The following KIAA1614 variants were observed in gnomAD, a reference collection of about 807,000 sequenced individuals.
The protein encoded by KIAA1614 is KIAA1614, also known as uncharacterized protein KIAA1614.
KIAA1614 carries 76 observed loss-of-function variants against 88.7 expected under a neutral mutation model. The observed-to-expected ratio is 0.86, with a 90% confidence interval of 0.71 to 1.04. KIAA1614 has a LOEUF of 1.04. KIAA1614 is among the 50% of genes least tolerant of loss of function. The probability of loss-of-function intolerance (pLI) is 0.00; values close to 1 mark genes in which losing one functional copy is unlikely to be tolerated. For missense variants in KIAA1614, 1,553 were observed against 1,582.5 expected, an observed-to-expected ratio of 0.98 and a Z score of 0.32; for synonymous variants, 714 against 675.5, an observed-to-expected ratio of 1.06 and a Z score of -0.88.
In KIAA1614 at chr1:180,913,287, GC is replaced by G. The variant is rs1171515398; in HGVS notation, c.49del (p.Gln17LysfsTer48). Reference sequence around the variant, plus strand: ...GCGGCGGCCAAACCCGCGGGCGGCAGCCCCCAGTGAGTATAGAGGAGGCAGC... The same window carrying G: ...GCGGCGGCCAAACCCGCGGGCGGCAGCCCCAGTGAGTATAGAGGAGGCAGC... ...EAAAAKPAGG[S>X]PQGPKTGSGT... is the part of the protein sequence containing the mutation. On this transcript the variant is annotated frameshift_variant, in exon 1 of 9. Transcript: ENST00000367588. LOFTEE classifies it high-confidence loss of function. The G allele has an allele frequency of 3.2e-6, 4 of 1,258,622 alleles. No individual in the cohort carries two copies. Among genetic ancestry groups the G allele is most frequent in the South Asian group, 7.0e-5 (2 of 28,720 alleles). 78.0% of individuals were successfully genotyped at this position (1,258,622 alleles called of 1,614,324 possible).
chr1:180,930,216 A>G (rs1275722436), intron 4 of KIAA1614, among the ~76,000 whole-genome samples: 3 of 152,092 alleles, frequency 2.0e-5, no homozygotes, highest in Non-Finnish European at 2.9e-5. Flanking sequence ...TCAGGAGATC[A>G]AGACCATCCT....
chr1:180,916,617 C>A lies in KIAA1614; in HGVS notation c.514C>A (p.Pro172Thr). The change falls in exon 2 of 9, where the codon CCG (proline) becomes ACG (threonine). Residue 172 changes from proline (P) to threonine (T), a missense_variant. Coordinates refer to ENST00000367588, the MANE Select transcript of KIAA1614 (RefSeq NM_020950.2). ...GGATGGAGGCCCCAGGCTTCCCAGG[C>A]CGCCTGCCCCTGGACGTGAGTACTG... ...ARDGGPRLPRPPAPGREYCNR... is the reference protein window; with the variant it reads ...ARDGGPRLPRTPAPGREYCNR... 1 of 1,601,738 alleles carries A rather than the reference C, an allele frequency of 6.2e-7. No individual in the cohort carries two copies. The highest frequency in any genetic ancestry group is 1.1e-5 in the South Asian group (1 of 89,538).
chr1:180,936,774 T>C, intron 5 of KIAA1614, 104 bp downstream of exon 5: 1 of 720,132 alleles, frequency 1.4e-6, no homozygotes, highest in Non-Finnish European at 2.1e-6. Flanking sequence ...GTCATTCCCT[T>C]TTATCTCAAT....
rs1200380041 is a variant in KIAA1614, at chr1:180,949,914, C to T, written c.*4326C>T. On this transcript the variant is annotated 3_prime_UTR_variant, in exon 9 of 9. Coordinates refer to ENST00000367588, the MANE Select transcript of KIAA1614 (RefSeq NM_020950.2). ...GCTGGGCCTGGGTGACCTGAGGCAG[C>T]AACTGGATCATAGTGCCAGGCACTG... 6.6e-6 allele frequency: 1 copy of T among 152,250 alleles called. No individual in the cohort carries two copies. Among genetic ancestry groups the T allele is most frequent in the Non-Finnish European group, 1.5e-5 (1 of 68,068 alleles). 9.4% of individuals were successfully genotyped at this position (152,250 alleles called of 1,614,324 possible).
rs75922164 is a variant in KIAA1614, at chr1:180,926,042, G to C, written c.1062-2388G>C. 2.4e-4 allele frequency among the ~76,000 whole-genome samples: 37 copies of C among 152,298 alleles called. No homozygotes were observed. The East Asian group carries it at 6.0e-3, about 25-fold the overall frequency. On this transcript the variant is annotated intron_variant, in intron 3 of 8. Transcript: ENST00000367588. ...AAGCACTCAGCCACTTTATTCCTATGCTCCACCCTCTGAGCTAATGAGCTC... is the reference window on the plus strand; with the variant it reads ...AAGCACTCAGCCACTTTATTCCTATCCTCCACCCTCTGAGCTAATGAGCTC...
intron 6 of KIAA1614, 76 bp downstream of exon 6, chr1:180,938,787 G>T: frequency 6.9e-7 from 1 of 1,453,000 alleles, no homozygotes; most frequent in South Asian, 1.3e-5. Context: ...GAGACCCCCT[G>T]GAGTGGTGGC....
intron 4 of KIAA1614, among the ~76,000 whole-genome samples, chr1:180,931,625 C>G (rs1654198619): frequency 6.6e-6 from 1 of 152,210 alleles, no homozygotes; most frequent in African/African-American, 2.4e-5. Flanking sequence ...GGGCTGAAAG[C>G]ACCTTATGTG....
At position 180,940,740 on chromosome 1, in the gene KIAA1614, G is replaced by A. The variant is rs7527331; in HGVS notation, c.2919-305G>A. Among the ~76,000 whole-genome samples, 1,293 of 138,316 alleles carry A rather than the reference G, an allele frequency of 9.3e-3. 15 individuals are homozygous for A. The highest frequency in any genetic ancestry group is 0.028 in the African/African-American group (1,018 of 36,758). The allele number at this position is 138,316 out of a possible 152,430, so 90.7% of individuals were successfully genotyped here. ...TTTTTCTTTCTTTTCTTTTTTTTGG[G>A]TCTCACTATGTCGCCCAGGTTGAGT... On this transcript the variant is annotated intron_variant, in intron 6 of 8. Transcript: ENST00000367588.
At position 180,935,863 on chromosome 1, in the gene KIAA1614, T is replaced by G. The variant is rs764273570; in HGVS notation, c.1954T>G (p.Ser652Ala). ...CAGCCCGCGACTGCGACTGCGGGGC[T>G]CCAGGCCTCGAGGCCACAGGTGGTC... ...GSSPRLRLRG[S>A]RPRGHRWSKK... Residue 652 changes from serine to alanine, a missense_variant, in exon 5 of 9, where the codon TCC (serine) becomes GCC (alanine). By Grantham distance (99) the Ser-to-Ala change is moderately conservative. Coordinates refer to ENST00000367588, the MANE Select transcript of KIAA1614 (RefSeq NM_020950.2). The surrounding 1 kb of genome is among the most constrained non-coding windows in gnomAD (Gnocchi z 6.1). 4 of 1,613,706 alleles carry G rather than the reference T, an allele frequency of 2.5e-6. No individual in the cohort carries two copies. The South Asian group carries it at 4.4e-5, about 18-fold the overall frequency.
rs772409335 is a variant in KIAA1614 at position 180,916,633 on chromosome 1, G to C, written c.530G>C (p.Arg177Pro). Residue 177 changes from arginine to proline, a missense_variant, in exon 2 of 9, where the codon CGT becomes CCT. Transcript: ENST00000367588. ...PRLPRPPAPG[R>P]EYCNRGSPWP... Reference sequence around the variant, plus strand: ...CTTCCCAGGCCGCCTGCCCCTGGACGTGAGTACTGCAACAGGGGGAGCCCG... The same window carrying C: ...CTTCCCAGGCCGCCTGCCCCTGGACCTGAGTACTGCAACAGGGGGAGCCCG... 3.1e-6 allele frequency: 5 copies of C among 1,602,232 alleles called. No individual in the cohort carries two copies. In the African/African-American group the frequency reaches 6.7e-5, roughly 21 times the overall value.
chr1:180,936,225 C>T lies in KIAA1614; in HGVS notation c.2316C>T (p.Ser772=). The change falls in exon 5 of 9, where the codon TCC becomes TCT. Residue 772 remains serine, a synonymous_variant. Coordinates refer to ENST00000367588, the MANE Select transcript of KIAA1614 (RefSeq NM_020950.2). ...CCCAGGTTACAGAAAGCCACGAGTCCCTGGAAATTGTCTCTCCTTCCTCCC... is the reference window on the plus strand; with the variant it reads ...CCCAGGTTACAGAAAGCCACGAGTCTCTGGAAATTGTCTCTCCTTCCTCCC... ...GQAQVTESHE[S]LEIVSPSSLQ... 1 of 1,614,182 alleles carries T rather than the reference C, an allele frequency of 6.2e-7. No homozygotes were observed. The highest frequency in any genetic ancestry group is 8.5e-7 in the Non-Finnish European group (1 of 1,180,024).
intron 7 of KIAA1614, 107 bp downstream of exon 7, chr1:180,941,392 G>T (rs980979685): frequency 7.4e-7 from 1 of 1,358,514 alleles, no homozygotes; most frequent in East Asian, 2.4e-5. Flanking sequence ...CTCCCAAGGA[G>T]CCCACAGTAG....
intron 3 of KIAA1614, among the ~76,000 whole-genome samples, chr1:180,918,707 G>C (rs906671734): frequency 1.3e-5 from 2 of 152,176 alleles, no homozygotes; most frequent in African/African-American, 4.8e-5. Context: ...TTCTGCGGAG[G>C]GCAGAGGTCG....
Position 180,945,732 on chromosome 1 carries a change from T to C in KIAA1614, c.*144T>C. 1 of 1,392,654 alleles carries C rather than the reference T, an allele frequency of 7.2e-7. No individual in the cohort carries two copies. Among genetic ancestry groups the C allele is most frequent in the Non-Finnish European group, 9.2e-7 (1 of 1,084,342 alleles). 86.3% of individuals were successfully genotyped at this position (1,392,654 alleles called of 1,614,324 possible). On this transcript the variant is annotated 3_prime_UTR_variant, in exon 9 of 9. Transcript: ENST00000367588. ...CTAGGCAACTGCAGCTGAGAGTGCG[T>C]TGGTGGGGAGTGTGCGGGAGGGGGT...
At chr1:180,934,997 C>A in intron 4 of KIAA1614, 118 bp from the exon 5 acceptor site, 1 of 674,478 alleles carries the variant, frequency 1.5e-6, no homozygotes, top group Non-Finnish European at 2.2e-6. Flanking sequence ...TTGTGGGTTG[C>A]GGTTGCCACA....
Position 180,916,312 on chromosome 1 carries a change from C to T in KIAA1614, c.209C>T (p.Pro70Leu). ...TCCAGCCTGATGGCCCCCCAGCCTC[C>T]CAGGGTATGGGGAGTACAGCTCCAG... ...RTSSLMAPQP[P>L]RVWGVQLQGP... The change falls in exon 2 of 9, where the codon CCC becomes CTC. Residue 70 changes from proline to leucine, a missense_variant. By Grantham distance (98) the Pro-to-Leu change is moderately conservative (BLOSUM62 -3). Transcript: ENST00000367588. 1 of 1,614,022 alleles carries T rather than the reference C, an allele frequency of 6.2e-7. No homozygotes were observed. Among genetic ancestry groups the T allele is most frequent in the Non-Finnish European group, 8.5e-7 (1 of 1,179,994 alleles).
intron 3 of KIAA1614, among the ~76,000 whole-genome samples, chr1:180,920,286 A>G (rs1006669232): frequency 2.0e-5 from 3 of 152,212 alleles, no homozygotes; most frequent in African/African-American, 7.2e-5. Flanking sequence ...TGAACTTCCC[A>G]AGAGACCTCT....
intron 5 of KIAA1614, among the ~76,000 whole-genome samples, chr1:180,938,076 G>A (rs1350131545): frequency 2.0e-5 from 3 of 152,328 alleles, no homozygotes; most frequent in South Asian, 2.1e-4. Context: ...TCCACTTGCT[G>A]CCTAGCACAT....
At chr1:180,944,733 G>C in intron 8 of KIAA1614, 1 of 461,432 alleles carries the variant, frequency 2.2e-6, no homozygotes, top group Non-Finnish European at 3.8e-6. Flanking sequence ...GAGAAGGCCT[G>C]GGGTCGCTGG....
Sources: allele counts gnomAD v4.1 joint callset (sites outside exome capture counted in the v4.1 genomes callset), GRCh38; gene constraint gnomAD v4.1.1; non-coding constraint Gnocchi (gnomAD v3.1); transcripts MANE v1.5; gene names NCBI Gene and HGNC (gene_info 2026-07-23, HGNC 2026-07-21).